KCNK10: variants seen among roughly 807,000 people sequenced by gnomAD.
KCNK10 encodes potassium two pore domain channel subfamily K member 10.
KCNK10 carries 25 observed loss-of-function variants against 47.7 expected under a neutral mutation model. The ratio of observed to expected loss-of-function variants is 0.52; its 90% confidence interval spans 0.38 to 0.73. The LOEUF (loss-of-function observed/expected upper bound fraction) is 0.73, where lower values mean the gene tolerates loss of function less well. Among genes scored for constraint, KCNK10 ranks in the 30% least tolerant of loss-of-function variants. KCNK10 has a pLI of 0.00. For synonymous variants in KCNK10, 303 were observed against 285.6 expected (o/e 1.06, Z -0.61); for missense variants, 563 against 714.5 (o/e 0.79, Z 2.42).
Position 88,273,229 on chromosome 14 carries a change from A to C in KCNK10, c.53-9678T>G, listed in dbSNP as rs546573125. Among the ~76,000 whole-genome samples the C allele has an allele frequency of 2.6e-5, 4 of 152,266 alleles. No homozygotes were observed. In the South Asian group the frequency reaches 8.3e-4, roughly 32 times the overall value. ...GGAGGGGGATGCATGACAGAGAAAG[A>C]AAAAACTAGAGAGGAAAAGGGGAGA... is the stretch of plus-strand genomic sequence containing the variant. On this transcript the variant is annotated intron_variant, in intron 1 of 6. Transcript: ENST00000319231.
chr14:88,197,090 T>C (rs1348316507), intron 4 of KCNK10, among the ~76,000 whole-genome samples: 1 of 152,168 alleles, frequency 6.6e-6, no homozygotes, highest in Non-Finnish European at 1.5e-5. Context: ...GGATCATATA[T>C]ACACACACAG....
Position 88,184,584 on chromosome 14 carries a change from A to C in KCNK10, c.*951T>G, listed in dbSNP as rs989343498. The C allele has an allele frequency of 4.6e-5, 7 of 152,342 alleles. No individual in the cohort carries two copies. The highest frequency in any genetic ancestry group is 1.7e-4 in the African/African-American group (7 of 41,454). The allele number at this position is 152,342 out of a possible 1,614,324, so 9.4% of individuals were successfully genotyped here. A position where few individuals can be genotyped will look rare whatever the true frequency, so the allele number is the denominator to read the frequency against. ...GAAATGCAGGATGTCTACTTTTGTA[A>C]AAATGTAGGATCAGCTAGACAGAAC... On this transcript the variant is annotated 3_prime_UTR_variant, in exon 7 of 7. Coordinates refer to ENST00000319231, the MANE Select transcript of KCNK10 (RefSeq NM_138317.3).
At chr14:88,298,601 A>G (rs1888034331) in intron 1 of KCNK10, among the ~76,000 whole-genome samples, 1 of 151,180 alleles carries the variant, frequency 6.6e-6, no homozygotes, top group South Asian at 2.1e-4. Context: ...TTTCTTTTTC[A>G]CTCCTCCAGT....
Position 88,185,796 on chromosome 14 carries a change from T to C in KCNK10, c.1371A>G (p.Arg457=), listed in dbSNP as rs1418300069. The change falls in exon 7 of 7, where the codon AGA becomes AGG. Residue 457 remains arginine (R), a synonymous_variant. Coordinates refer to ENST00000319231, the MANE Select transcript of KCNK10 (RefSeq NM_138317.3). This position sits in a 1 kb window ranked among gnomAD's most constrained non-coding sequence, Gnocchi z 4.3. The stretch of plus-strand genomic sequence containing the variant: ...GGTCCTTGTTTTTCCTCTTGGTGAG[T>C]CTGGAGGTGGACCCGAACTTGTTGA... ...NIINKFGSTS[R]LTKRKNKDLK... 6.2e-7 allele frequency: 1 copy of C among 1,614,092 alleles called. No individual in the cohort carries two copies. Among genetic ancestry groups the C allele is most frequent in the Admixed American group, 1.7e-5 (1 of 60,008 alleles).
chr14:88,290,709 A>C (rs1887857460), intron 1 of KCNK10, among the ~76,000 whole-genome samples: 1 of 152,242 alleles, frequency 6.6e-6, no homozygotes, highest in Admixed American at 6.5e-5. Context: ...GCAAAGATGA[A>C]AATTTACAGA....
rs1884576194 is a variant in KCNK10, at chr14:88,186,775, ATG to A, written c.1012-622_1012-621del. Among the ~76,000 whole-genome samples the A allele has an allele frequency of 6.6e-6, 1 of 152,202 alleles. No individual in the cohort carries two copies. Among genetic ancestry groups the A allele is most frequent in the Admixed American group, 6.5e-5 (1 of 15,282 alleles). ...ACCCTATCTGGGCCATGCTATGGTC[ATG>A]TGCTGTGGGGCTTTCCCTGGTTTAA... On this transcript the variant is annotated intron_variant, in intron 6 of 6. Coordinates refer to ENST00000319231, the MANE Select transcript of KCNK10 (RefSeq NM_138317.3). This position sits in a 1 kb window ranked among gnomAD's most constrained non-coding sequence, Gnocchi z 5.5.
At chr14:88,287,840 T>C (rs1371371173) in intron 1 of KCNK10, among the ~76,000 whole-genome samples, 1 of 152,152 alleles carries the variant, frequency 6.6e-6, no homozygotes, top group Non-Finnish European at 1.5e-5. Flanking sequence ...TTTCGTATAA[T>C]GACTTCTTTT....
chr14:88,205,143 T>C (rs1255790671), intron 4 of KCNK10, among the ~76,000 whole-genome samples: 2 of 152,274 alleles, frequency 1.3e-5, no homozygotes, highest in Admixed American at 6.5e-5. Context: ...TCATACTGCA[T>C]GTAGCCTTTT....
chr14:88,257,910 G>T (rs1009048591), intron 2 of KCNK10, among the ~76,000 whole-genome samples: 1 of 151,978 alleles, frequency 6.6e-6, no homozygotes, highest in African/African-American at 2.4e-5. Context: ...GTGGGAGGGG[G>T]GGTCTATGCT....
chr14:88,303,536 G>T (rs1025803737), intron 1 of KCNK10, among the ~76,000 whole-genome samples: 1 of 152,062 alleles, frequency 6.6e-6, no homozygotes, highest in African/African-American at 2.4e-5. Flanking sequence ...GGGATCAAGG[G>T]GGATGACACG....
At chr14:88,307,302 C>T (rs960270631) in intron 1 of KCNK10, among the ~76,000 whole-genome samples, 1 of 150,030 alleles carries the variant, frequency 6.7e-6, no homozygotes, top group South Asian at 2.1e-4. Flanking sequence ...ACCTTGAAAG[C>T]ATTATGTTAC....
chr14:88,200,121 ATC>A (rs918314124), intron 4 of KCNK10, among the ~76,000 whole-genome samples: 1 of 116,208 alleles, frequency 8.6e-6, no homozygotes, highest in African/African-American at 3.2e-5. Flanking sequence ...TTCCATATTT[ATC>A]TCTCTTTCTT....
At chr14:88,299,576 C>T (rs78018506) in intron 1 of KCNK10, among the ~76,000 whole-genome samples, 1 of 152,054 alleles carries the variant, frequency 6.6e-6, no homozygotes, top group Non-Finnish European at 1.5e-5. Flanking sequence ...AGCACATGAA[C>T]CATAGGTACA....
At chr14:88,289,538 C>T (rs984564591) in intron 1 of KCNK10, among the ~76,000 whole-genome samples, 2 of 152,264 alleles carry the variant, frequency 1.3e-5, no homozygotes, top group African/African-American at 4.8e-5. Flanking sequence ...TCTGGGAGCT[C>T]TGCCCACTGG....
chr14:88,325,641 C>T (rs186128739), upstream of KCNK10, among the ~76,000 whole-genome samples: 357 of 151,880 alleles, frequency 2.4e-3, 5 homozygotes, highest in Non-Finnish European at 1.0e-3. Context: ...CCCATGGGTT[C>T]GTTTGGGTAA....
intron 1 of KCNK10, among the ~76,000 whole-genome samples, chr14:88,285,869 C>T (rs547997772): frequency 8.5e-5 from 13 of 152,312 alleles, no homozygotes; most frequent in Non-Finnish European, 1.2e-4. Flanking sequence ...ATATTCCCCC[C>T]GTGAGAACAT....
intron 2 of KCNK10, among the ~76,000 whole-genome samples, chr14:88,257,274 G>C (rs867778805): frequency 6.6e-6 from 1 of 152,060 alleles, no homozygotes; most frequent in African/African-American, 2.4e-5. Context: ...CTCGCTTAAA[G>C]CTTTCAGTGA....
intron 1 of KCNK10, among the ~76,000 whole-genome samples, chr14:88,269,293 C>G (rs1251911679): frequency 3.3e-5 from 5 of 152,208 alleles, no homozygotes; most frequent in Non-Finnish European, 5.9e-5. Context: ...CTGCACCATC[C>G]ATTCATTCGT....
intron 1 of KCNK10, among the ~76,000 whole-genome samples, chr14:88,294,797 T>C (rs984049670): frequency 2.6e-5 from 4 of 152,184 alleles, no homozygotes; most frequent in Non-Finnish European, 4.4e-5. Flanking sequence ...AAATTTAATA[T>C]GCTACTTCAA....
Sources: allele counts gnomAD v4.1 joint callset (sites outside exome capture counted in the v4.1 genomes callset), GRCh38; gene constraint gnomAD v4.1.1; non-coding constraint Gnocchi (gnomAD v3.1); transcripts MANE v1.5; gene names NCBI Gene and HGNC (gene_info 2026-07-23, HGNC 2026-07-21).